Variants in KCND2 observed in about 807,000 individuals in gnomAD.
The protein encoded by KCND2 is A-type voltage-gated potassium channel KCND2.
KCND2 carries 16 observed loss-of-function variants against 54.4 expected under a neutral mutation model. That is an observed-to-expected ratio of 0.29 (90% CI 0.20 to 0.45). The LOEUF is 0.45. Among genes scored for constraint, KCND2 ranks in the 20% least tolerant of loss-of-function variants. The pLI is 1.00. For missense variants in KCND2, 486 were observed against 824.2 expected (o/e 0.59, Z 5.02); for synonymous variants, 317 against 310.7 (o/e 1.02, Z -0.21).
intron 1 of KCND2, among the ~76,000 whole-genome samples, chr7:120,397,713 C>T (rs1584761738): frequency 6.6e-6 from 1 of 151,834 alleles, no homozygotes; most frequent in East Asian, 1.9e-4. Flanking sequence ...TTGTAACCTA[C>T]AGTTTACTTA....
At chr7:120,398,398 A>C (rs538345666) in intron 1 of KCND2, among the ~76,000 whole-genome samples, 69 of 152,132 alleles carry the variant, frequency 4.5e-4, no homozygotes, top group Admixed American at 1.2e-3. Flanking sequence ...GTGCTAGATG[A>C]CTAGGATACA....
At chr7:120,737,320 G>A (rs779982971) in intron 2 of KCND2, among the ~76,000 whole-genome samples, 5 of 152,088 alleles carry the variant, frequency 3.3e-5, no homozygotes, top group African/African-American at 1.2e-4. Flanking sequence ...GCTAGAACCT[G>A]AGAATGATCT....
At chr7:120,346,312 T>G (rs1243428592) in intron 1 of KCND2, among the ~76,000 whole-genome samples, 1 of 152,194 alleles carries the variant, frequency 6.6e-6, no homozygotes, top group Non-Finnish European at 1.5e-5. Flanking sequence ...AATGTGTCTC[T>G]CAAAATTTTT....
intron 1 of KCND2, among the ~76,000 whole-genome samples, chr7:120,566,331 T>C (rs12537274): frequency 0.83 from 126,718 of 152,050 alleles, 53,301 homozygotes; most frequent in Middle Eastern, 0.94. Flanking sequence ...TGTGTGCGCA[T>C]GGATATTTTG....
chr7:120,458,207 G>A (rs1387451155), intron 1 of KCND2, among the ~76,000 whole-genome samples: 2 of 152,160 alleles, frequency 1.3e-5, no homozygotes, highest in Non-Finnish European at 2.9e-5. Context: ...GGAGACAGAA[G>A]GAAATATTAA....
chr7:120,485,431 A>T (rs1802679245), intron 1 of KCND2, among the ~76,000 whole-genome samples: 1 of 152,208 alleles, frequency 6.6e-6, no homozygotes, highest in Non-Finnish European at 1.5e-5. Context: ...ATCAAAGTTT[A>T]GAATGGAAAT....
chr7:120,288,088 G>T (rs957625402), intron 1 of KCND2, among the ~76,000 whole-genome samples: 1 of 152,076 alleles, frequency 6.6e-6, no homozygotes, highest in African/African-American at 2.4e-5. Flanking sequence ...GGGAATTTAG[G>T]ATTGTGAGCT....
At position 120,386,232 on chromosome 7, in the gene KCND2, A is replaced by G. The variant is rs541499946; in HGVS notation, c.1115+110485A>G. ...TTTCAGGATATGGAAACATTTTGCT[A>G]TAATAAAAATCATATTTATTTTTAT... is the stretch of plus-strand genomic sequence containing the variant. On this transcript the variant is annotated intron_variant, in intron 1 of 5. Transcript: ENST00000331113. Among the ~76,000 whole-genome samples, 3 of 152,296 alleles carry G rather than the reference A, an allele frequency of 2.0e-5. No homozygotes were observed. In the South Asian group the frequency reaches 6.2e-4, roughly 32 times the overall value.
chr7:120,279,400 AT>A (rs1313017301), intron 1 of KCND2, among the ~76,000 whole-genome samples: 4 of 151,942 alleles, frequency 2.6e-5, no homozygotes, highest in Admixed American at 1.3e-4. Context: ...CAGGAGTGTT[AT>A]TTTTGTGGTT....
rs150540560 is a variant in KCND2 at position 120,556,354 on chromosome 7, T to C, written c.1116-176549T>C. ...GTACAAACACACAGAAACTCTGACT[T>C]CCTACCAGATTAAGGTGACCCAGCC... On this transcript the variant is annotated intron_variant, in intron 1 of 5. Transcript: ENST00000331113. Among the ~76,000 whole-genome samples the C allele has an allele frequency of 5.2e-4, 79 of 152,302 alleles. No individual in the cohort carries two copies. In the East Asian group the frequency reaches 0.013, roughly 24 times the overall value.
chr7:120,544,705 G>A (rs568609046), intron 1 of KCND2, among the ~76,000 whole-genome samples: 3 of 151,962 alleles, frequency 2.0e-5, no homozygotes, highest in Admixed American at 1.3e-4. Context: ...TTTGATCTTG[G>A]TAATAATTTC....
At chr7:120,480,808 C>T (rs899875118) in intron 1 of KCND2, among the ~76,000 whole-genome samples, 1 of 152,174 alleles carries the variant, frequency 6.6e-6, no homozygotes, top group African/African-American at 2.4e-5. Context: ...TCTGTTATAG[C>T]AGCAGAAAAT....
chr7:120,434,482 C>T (rs148147136), intron 1 of KCND2, among the ~76,000 whole-genome samples: 5 of 152,314 alleles, frequency 3.3e-5, no homozygotes, highest in Admixed American at 1.3e-4. Context: ...ACTCTGTCTC[C>T]GCTCCAGAAT....
chr7:120,404,436 T>C (rs931854969), intron 1 of KCND2, among the ~76,000 whole-genome samples: 3 of 152,182 alleles, frequency 2.0e-5, no homozygotes, highest in African/African-American at 7.2e-5. Context: ...ACAAAAGCTG[T>C]TTATAGCTTG....
At chr7:120,419,348 A>T (rs1354388517) in intron 1 of KCND2, among the ~76,000 whole-genome samples, 1 of 152,216 alleles carries the variant, frequency 6.6e-6, no homozygotes, top group Non-Finnish European at 1.5e-5. Context: ...TTTAAAAAAA[A>T]TAAAACTAAA....
intron 1 of KCND2, among the ~76,000 whole-genome samples, chr7:120,379,829 G>A (rs1800889410): frequency 6.6e-6 from 1 of 151,996 alleles, no homozygotes; most frequent in African/African-American, 2.4e-5. Context: ...CAAAGTCAAG[G>A]CACCTCAGAT....
chr7:120,349,325 CAA>C (rs1491417536), intron 1 of KCND2, among the ~76,000 whole-genome samples: 223 of 98,814 alleles, frequency 2.3e-3, no homozygotes, highest in African/African-American at 8.4e-3. Flanking sequence ...CACACACACA[CAA>C]ACACACACAC....
At chr7:120,699,258 G>A (rs1792370778) in intron 1 of KCND2, among the ~76,000 whole-genome samples, 1 of 151,274 alleles carries the variant, frequency 6.6e-6, no homozygotes, top group Admixed American at 6.6e-5. Context: ...CTCCAGCCTG[G>A]GCAACAGAGT....
At chr7:120,619,464 G>A (rs7791822) in intron 1 of KCND2, among the ~76,000 whole-genome samples, 43,230 of 152,034 alleles carry the variant, frequency 0.28, 7,600 homozygotes, top group East Asian at 0.5. Flanking sequence ...ATGCAACTAA[G>A]CTTTTTACTC....
Sources: allele counts gnomAD v4.1 joint callset (sites outside exome capture counted in the v4.1 genomes callset), GRCh38; gene constraint gnomAD v4.1.1; transcripts MANE v1.5; gene names NCBI Gene and HGNC (gene_info 2026-07-23, HGNC 2026-07-21).